DUS4L: variants seen among roughly 807,000 people sequenced by gnomAD.
DUS4L encodes the protein tRNA-dihydrouridine(20a/20b) synthase [NAD(P)+]-like.
DUS4L carries 31 observed loss-of-function variants against 33.8 expected under a neutral mutation model. That is an observed-to-expected ratio of 0.92 (90% CI 0.69 to 1.24). DUS4L has a LOEUF of 1.24. Ranked by LOEUF, DUS4L falls within the 50% of genes most tolerant of loss-of-function variation. DUS4L has a pLI of 0.00. For missense variants in DUS4L, 368 were observed against 388.6 expected (o/e 0.95, Z 0.45); for synonymous variants, 103 against 120.3 (o/e 0.86, Z 0.94).
intron 7 of DUS4L, 164 bp downstream of exon 7, chr7:107,576,756 C>G: frequency 3.2e-6 from 2 of 618,724 alleles, no homozygotes; most frequent in Non-Finnish European, 5.1e-6. Flanking sequence ...AAGTTTTCTA[C>G]CTAGAAAAAC....
intron 1 of DUS4L, 153 bp from the exon 2 acceptor site, chr7:107,564,435 G>A (rs796857156): frequency 7.2e-5 from 13 of 181,202 alleles, no homozygotes; most frequent in African/African-American, 3.1e-4. Context: ...TGCTTGGGAA[G>A]AAAAGTTGCT....
intron 4 of DUS4L, among the ~76,000 whole-genome samples, chr7:107,571,871 A>T (rs1332422136): frequency 6.6e-6 from 1 of 152,092 alleles, no homozygotes; most frequent in African/African-American, 2.4e-5. Context: ...GTTTCTCCCC[A>T]CACCCCACTG....
chr7:107,577,380 G>A lies in DUS4L; in HGVS notation c.774G>A (p.Leu258=), dbSNP rs763759756. 4 of 1,614,132 alleles carry A rather than the reference G, an allele frequency of 2.5e-6. No individual in the cohort carries two copies. Among genetic ancestry groups the A allele is most frequent in the Non-Finnish European group, 3.4e-6 (4 of 1,180,016 alleles). Residue 258 remains leucine, a synonymous_variant, in exon 8 of 8, where the codon CTG becomes CTA. Coordinates refer to ENST00000265720, the MANE Select transcript of DUS4L (RefSeq NM_181581.3). ...TTGCTGGATATGAGGAAACCCCACT[G>A]AAATGCATCTGGGACTGGGTTGACA... The part of the protein sequence containing the change: ...AMFAGYEETP[L]KCIWDWVDIA...
chr7:107,574,442 G>C (rs1334611302), intron 5 of DUS4L, among the ~76,000 whole-genome samples: 1 of 150,528 alleles, frequency 6.6e-6, no homozygotes, highest in African/African-American at 2.4e-5. Flanking sequence ...AGGTTCAAGC[G>C]ATTCTCCTGC....
intron 6 of DUS4L, 93 bp downstream of exon 6, chr7:107,575,403 T>C (rs1805636149): frequency 1.4e-6 from 2 of 1,394,366 alleles, no homozygotes; most frequent in East Asian, 5.0e-5. Flanking sequence ...GGAGTATCTA[T>C]CCTAAATAAA....
chr7:107,577,445 AACATTTAATGT>A lies in DUS4L; in HGVS notation c.844_854del (p.Leu282AspfsTer14). The A allele has an allele frequency of 6.2e-7, 1 of 1,614,210 alleles. No individual in the cohort carries two copies. The highest frequency in any genetic ancestry group is 8.5e-7 in the Non-Finnish European group (1 of 1,180,040). On this transcript the variant is annotated frameshift_variant, in exon 8 of 8. Transcript: ENST00000265720. LOFTEE classifies it high-confidence loss of function. ...GGGACTCCTTACATGTGTTTCCATC[AACATTTAATGT>A]ACATGATGGAAAAGATAACTTCAAG...
At chr7:107,575,543 T>C (rs1164752900) in intron 6 of DUS4L, 2 of 323,182 alleles carry the variant, frequency 6.2e-6, no homozygotes, top group Non-Finnish European at 1.1e-5. Flanking sequence ...TCCCTTTAAG[T>C]TTCACCAAAC....
At chr7:107,564,335 A>G (rs1804345359) in intron 1 of DUS4L, 126 bp downstream of exon 1, 1 of 368,612 alleles carries the variant, frequency 2.7e-6, no homozygotes. Flanking sequence ...TGCCCTCCAC[A>G]CTCACAAGAG....
rs1804768646 is a variant in DUS4L, at chr7:107,566,996, G to A, written c.-21-54G>A. 3.2e-6 allele frequency: 4 copies of A among 1,245,052 alleles called. No individual in the cohort carries two copies. The South Asian group carries it at 6.0e-5, about 19-fold the overall frequency. 77.1% of individuals were successfully genotyped at this position (1,245,052 alleles called of 1,614,324 possible). A position where few individuals can be genotyped will look rare whatever the true frequency, so the allele number is the denominator to read the frequency against. On this transcript the variant is annotated intron_variant, in intron 2 of 7. Coordinates refer to ENST00000265720, the MANE Select transcript of DUS4L (RefSeq NM_181581.3). ...GTTGGCAGTTGAAATTGTTAGAATG[G>A]AATTAATATAGTGAAAACATATTTT...
rs778701249 is a variant in DUS4L, at chr7:107,577,420, G to A, written c.814G>A (p.Gly272Arg). 3.7e-6 allele frequency: 6 copies of A among 1,613,920 alleles called. No individual in the cohort carries two copies. In the African/African-American group the frequency reaches 5.3e-5, roughly 14 times the overall value. The part of the protein sequence containing the change: ...WDWVDIALEL[G>R]TPYMCFHQHL... The stretch of plus-strand genomic sequence containing the variant: ...CTGGGTTGACATTGCTCTTGAACTC[G>A]GGACTCCTTACATGTGTTTCCATCA... Residue 272 changes from glycine to arginine, a missense_variant, in exon 8 of 8, where the codon GGG (glycine) becomes AGG (arginine). Physicochemically the swap from Gly to Arg is moderately radical, Grantham distance 125. Transcript: ENST00000265720.
rs1489688132 is a variant in DUS4L, at chr7:107,564,060, G to A, written c.-260G>A. 1 of 1,503,074 alleles carries A rather than the reference G, an allele frequency of 6.7e-7. No homozygotes were observed. The highest frequency in any genetic ancestry group is 2.5e-5 in the East Asian group (1 of 40,672). 93.1% of individuals were successfully genotyped at this position (1,503,074 alleles called of 1,614,324 possible). On this transcript the variant is annotated 5_prime_UTR_variant, in exon 1 of 8. Transcript: ENST00000265720. ...CTAAGCCTGGCTAGGAGCCGCGCAG[G>A]TACTCGAGCAGTGGGCGCCCAGGGT...
chr7:107,565,394 A>G (rs1475992558), intron 2 of DUS4L, among the ~76,000 whole-genome samples: 1 of 152,222 alleles, frequency 6.6e-6, no homozygotes, highest in Non-Finnish European at 1.5e-5. Flanking sequence ...GAAGAGCTTT[A>G]ATAAAAACAC....
At chr7:107,572,951 T>C (rs1008452924) in intron 4 of DUS4L, among the ~76,000 whole-genome samples, 2 of 152,134 alleles carry the variant, frequency 1.3e-5, no homozygotes, top group African/African-American at 4.8e-5. Flanking sequence ...ACTAATTTCT[T>C]TGTTTTATTA....
At chr7:107,576,247 G>T in intron 6 of DUS4L, 119 bp from the exon 7 acceptor site, 1 of 981,904 alleles carries the variant, frequency 1.0e-6, no homozygotes, top group Non-Finnish European at 1.5e-6. Context: ...ATGACATAGA[G>T]TAATAATATG....
At chr7:107,571,089 C>A (rs756171746) in intron 3 of DUS4L, 56 bp from the exon 4 acceptor site, 459 of 1,607,000 alleles carry the variant, frequency 2.9e-4, no homozygotes, top group Non-Finnish European at 3.7e-4. Context: ...TAACAATGCA[C>A]TAAAATATGT....
intron 3 of DUS4L, chr7:107,567,712 C>G (rs1482752309): frequency 2.3e-6 from 1 of 440,536 alleles, no homozygotes; most frequent in Non-Finnish European, 4.5e-6. Flanking sequence ...TAATTACATT[C>G]ACATTGTTGT....
At position 107,563,971 on chromosome 7, in the gene DUS4L, G is replaced by GGGGCCCC; in HGVS notation, c.-349_-348insGGGCCCC. The stretch of plus-strand genomic sequence containing the variant: ...GGTGGTGACGCAGAATCCCGGCGCC[G>GGGGCCCC]CCCGCCCACCCAGCCCATGGCTCCA... On this transcript the variant is annotated 5_prime_UTR_variant, in exon 1 of 8. Transcript: ENST00000265720. 1.3e-6 allele frequency: 2 copies of GGGGCCCC among 1,557,778 alleles called. No homozygotes were observed. The highest frequency in any genetic ancestry group is 1.7e-6 in the Non-Finnish European group (2 of 1,144,920).
At chr7:107,571,121 A>G (rs879590575) in intron 3 of DUS4L, 24 bp from the exon 4 acceptor site, 20 of 1,612,786 alleles carry the variant, frequency 1.2e-5, no homozygotes, top group Non-Finnish European at 1.4e-5. Context: ...CTAAATGCAT[A>G]ATTAAGGTTT....
intron 2 of DUS4L, among the ~76,000 whole-genome samples, chr7:107,565,995 C>T (rs1340668847): frequency 1.3e-5 from 2 of 152,138 alleles, no homozygotes; most frequent in African/African-American, 2.4e-5. Flanking sequence ...CTATCCCCTC[C>T]TTCCTTCATA....
Sources: gnomAD v4.1 joint callset for allele counts (sites outside exome capture counted in the v4.1 genomes callset) on GRCh38, gnomAD v4.1.1 for gene constraint, MANE v1.5 for transcripts, NCBI Gene and HGNC (gene_info 2026-07-23, HGNC 2026-07-21) for gene names.